Variants in DDAH1 observed in about 807,000 individuals in gnomAD.
DDAH1 encodes N(G),N(G)-dimethylarginine dimethylaminohydrolase 1.
DDAH1 carries 19 observed loss-of-function variants against 28.8 expected under a neutral mutation model. That is an observed-to-expected ratio of 0.66 (90% confidence interval 0.46 to 0.97). The LOEUF (loss-of-function observed/expected upper bound fraction) is 0.97, where lower values mean the gene tolerates loss of function less well. Among genes scored for constraint, DDAH1 ranks in the 50% least tolerant of loss-of-function variants. The pLI is 0.00. For missense variants in DDAH1, 326 were observed against 375.9 expected, an observed-to-expected ratio of 0.87 and a Z score of 1.10; for synonymous variants, 153 against 154.4, an observed-to-expected ratio of 0.99 and a Z score of 0.07.
chr1:85,464,616 C>G lies in DDAH1; in HGVS notation c.303+127G>C. 6.6e-7 allele frequency: 1 copy of G among 1,504,026 alleles called. No homozygotes were observed. The highest frequency in any genetic ancestry group is 8.9e-7 in the Non-Finnish European group (1 of 1,124,882). 93.2% of individuals were successfully genotyped at this position (1,504,026 alleles called of 1,614,324 possible). A position where few individuals can be genotyped will look rare whatever the true frequency, so the allele number is the denominator to read the frequency against. ...CACACACACACACACACACACTCGCCCCCCGACGGGAAGTTGTGAACTACT... is the reference window on the plus strand; with the variant it reads ...CACACACACACACACACACACTCGCGCCCCGACGGGAAGTTGTGAACTACT... On this transcript the variant is annotated intron_variant, in intron 1 of 5. Coordinates refer to ENST00000284031, the MANE Select transcript of DDAH1 (RefSeq NM_012137.4). The surrounding 1 kb of genome is among the most constrained non-coding windows in gnomAD (Gnocchi z 4.4).
intron 1 of DDAH1, among the ~76,000 whole-genome samples, chr1:85,510,866 T>C (rs1657199775): frequency 6.6e-6 from 1 of 152,244 alleles, no homozygotes; most frequent in Non-Finnish European, 1.5e-5. Flanking sequence ...CTTAGAGACC[T>C]AAAAAGAGAT....
At chr1:85,514,139 G>A (rs1312461092) in intron 1 of DDAH1, among the ~76,000 whole-genome samples, 1 of 152,212 alleles carries the variant, frequency 6.6e-6, no homozygotes, top group Non-Finnish European at 1.5e-5. Context: ...TTAAGAATAT[G>A]TGGCACATAT....
intron 4 of DDAH1, among the ~76,000 whole-genome samples, chr1:85,326,081 G>A (rs1317285154): frequency 1.3e-5 from 2 of 152,222 alleles, no homozygotes; most frequent in Non-Finnish European, 2.9e-5. Context: ...GGTATGAAAA[G>A]CAGAAGAGAG....
chr1:85,362,328 C>T (rs1159869247), intron 1 of DDAH1, among the ~76,000 whole-genome samples: 1 of 152,112 alleles, frequency 6.6e-6, no homozygotes, highest in Non-Finnish European at 1.5e-5. Flanking sequence ...TAAGATGTTC[C>T]ACAGGACTCA....
At chr1:85,557,474 A>T (rs1316381209) in intron 1 of DDAH1, among the ~76,000 whole-genome samples, 2 of 152,228 alleles carry the variant, frequency 1.3e-5, no homozygotes, top group Non-Finnish European at 2.9e-5. Context: ...TCTTGTTCAA[A>T]GTTGGACAGC....
At chr1:85,435,256 T>C (rs977954729) in intron 1 of DDAH1, 2 of 152,222 alleles carry the variant, frequency 1.3e-5, no homozygotes, top group Non-Finnish European at 1.5e-5. Context: ...TGTAATCAAC[T>C]GAGAAAACTC....
intron 1 of DDAH1, among the ~76,000 whole-genome samples, chr1:85,457,566 AAC>A (rs2100681902): frequency 6.6e-6 from 1 of 152,360 alleles, no homozygotes; most frequent in African/African-American, 2.4e-5. Flanking sequence ...AGATATGAGT[AAC>A]ACAACTATTA....
intron 2 of DDAH1, among the ~76,000 whole-genome samples, chr1:85,473,953 A>G (rs1655708703): frequency 6.6e-6 from 1 of 152,136 alleles, no homozygotes; most frequent in Admixed American, 6.6e-5. Flanking sequence ...GAACTACCTA[A>G]AAGACATCCG....
At chr1:85,477,665 C>A (rs1655849500) in intron 2 of DDAH1, among the ~76,000 whole-genome samples, 1 of 151,504 alleles carries the variant, frequency 6.6e-6, no homozygotes, top group African/African-American at 2.4e-5. Flanking sequence ...TATACTATCT[C>A]TACTATATAT....
intron 5 of DDAH1, among the ~76,000 whole-genome samples, chr1:85,324,495 A>G (rs1647241706): frequency 6.6e-6 from 1 of 152,066 alleles, no homozygotes; most frequent in Non-Finnish European, 1.5e-5. Context: ...AAATCTGAGT[A>G]TTTATTTGAA....
chr1:85,404,032 T>C (rs1284336367), intron 1 of DDAH1, among the ~76,000 whole-genome samples: 1 of 152,250 alleles, frequency 6.6e-6, no homozygotes, highest in East Asian at 1.9e-4. Context: ...CACAACTATA[T>C]TCCTCCTGCC....
At chr1:85,474,634 G>A (rs759304022) in intron 2 of DDAH1, among the ~76,000 whole-genome samples, 5 of 150,878 alleles carry the variant, frequency 3.3e-5, no homozygotes, top group Non-Finnish European at 7.4e-5. Flanking sequence ...ACAAAGCACT[G>A]TTTTACTTGC....
chr1:85,469,842 C>A (rs537357153), upstream of DDAH1, among the ~76,000 whole-genome samples: 12 of 152,198 alleles, frequency 7.9e-5, no homozygotes, highest in South Asian at 1.9e-3. Context: ...GGCTTATGGT[C>A]AAATTGTTCC....
At chr1:85,451,826 G>A (rs1480481158) in intron 1 of DDAH1, among the ~76,000 whole-genome samples, 1 of 152,114 alleles carries the variant, frequency 6.6e-6, no homozygotes, top group East Asian at 1.9e-4. Context: ...AATGAGACTG[G>A]AATCAATAGA....
At chr1:85,531,147 ATAATGCCTACTCTCACAGT>A (rs1570647953) in intron 1 of DDAH1, among the ~76,000 whole-genome samples, 1 of 152,324 alleles carries the variant, frequency 6.6e-6, no homozygotes. Context: ...TTATTTGAAG[ATAATGCCTACTCTCACAGT>A]TAACAGTTTG....
At chr1:85,373,561 G>C (rs1476256634) in intron 1 of DDAH1, among the ~76,000 whole-genome samples, 2 of 151,998 alleles carry the variant, frequency 1.3e-5, no homozygotes, top group Non-Finnish European at 2.9e-5. Flanking sequence ...TCTCTTTCCT[G>C]TTACCTTGTG....
At chr1:85,452,248 AG>A (rs1408600822) in intron 1 of DDAH1, among the ~76,000 whole-genome samples, 1 of 152,206 alleles carries the variant, frequency 6.6e-6, no homozygotes, top group Non-Finnish European at 1.5e-5. Context: ...TGGCAACAAA[AG>A]CTAAAATGAC....
chr1:85,564,978 C>T (rs533511438), intron 1 of DDAH1, among the ~76,000 whole-genome samples: 36 of 151,630 alleles, frequency 2.4e-4, no homozygotes, highest in African/African-American at 8.2e-4. Flanking sequence ...AGGCGGATCA[C>T]GAGGTCAGTA....
At chr1:85,542,928 T>C (rs2100787001) in intron 1 of DDAH1, among the ~76,000 whole-genome samples, 1 of 152,298 alleles carries the variant, frequency 6.6e-6, no homozygotes, top group Non-Finnish European at 1.5e-5. Flanking sequence ...GAGATGGACA[T>C]CATTATCTCA....
Sources: gnomAD v4.1 joint callset for allele counts (sites outside exome capture counted in the v4.1 genomes callset) on GRCh38, gnomAD v4.1.1 for gene constraint, Gnocchi (gnomAD v3.1) non-coding constraint, MANE v1.5 for transcripts, NCBI Gene and HGNC (gene_info 2026-07-23, HGNC 2026-07-21) for gene names.